Variants in GFI1B observed in about 807,000 individuals in gnomAD.
GFI1B encodes zinc finger protein Gfi-1b.
GFI1B carries 20 observed loss-of-function variants against 35.3 expected under a neutral mutation model. The observed-to-expected ratio is 0.57, with a 90% CI of 0.40 to 0.82. The LOEUF is 0.82. Among genes scored for constraint, GFI1B ranks in the 40% least tolerant of loss-of-function variants. The pLI is 0.00. For missense variants in GFI1B, 430 were observed against 446.3 expected (o/e 0.96, Z 0.33); for synonymous variants, 178 against 177.6 (o/e 1.00, Z -0.02).
intron 1 of GFI1B, among the ~76,000 whole-genome samples, chr9:132,965,498 A>G (rs1352365638): frequency 6.6e-6 from 1 of 152,258 alleles, no homozygotes; most frequent in African/African-American, 2.4e-5. Context: ...CGTATTTGGG[A>G]AAAAGGTCTG....
At chr9:132,981,309 G>A (rs1339592963) in intron 1 of GFI1B, among the ~76,000 whole-genome samples, 3 of 152,112 alleles carry the variant, frequency 2.0e-5, no homozygotes, top group African/African-American at 7.2e-5. Flanking sequence ...ATCTCTTTGA[G>A]TCTCCCCTTC....
chr9:132,965,663 C>T (rs982772894), intron 1 of GFI1B, among the ~76,000 whole-genome samples: 3 of 152,132 alleles, frequency 2.0e-5, no homozygotes, highest in Non-Finnish European at 2.9e-5. Context: ...ATTGGAGTGG[C>T]GCAGCTCCAG....
At chr9:132,979,450 G>C (rs1037790172) in intron 1 of GFI1B, among the ~76,000 whole-genome samples, 1 of 151,886 alleles carries the variant, frequency 6.6e-6, no homozygotes, top group African/African-American at 2.4e-5. Flanking sequence ...TGTTGGCCAG[G>C]CTGGTCTCGA....
At chr9:132,987,526 C>A in intron 3 of GFI1B, 107 bp downstream of exon 3, 1 of 1,297,502 alleles carries the variant, frequency 7.7e-7, no homozygotes, top group Non-Finnish European at 1.1e-6. Flanking sequence ...AGGAAGGACC[C>A]ACGAAGTCAC....
intron 1 of GFI1B, among the ~76,000 whole-genome samples, chr9:132,949,056 C>T (rs1001932455): frequency 6.6e-5 from 10 of 152,324 alleles, no homozygotes; most frequent in African/African-American, 2.4e-4. Flanking sequence ...ACTCACTTTT[C>T]ACACCCAGAG....
At chr9:132,988,749 C>T (rs1423850820) in intron 4 of GFI1B, among the ~76,000 whole-genome samples, 1 of 152,142 alleles carries the variant, frequency 6.6e-6, no homozygotes, top group African/African-American at 2.4e-5. Flanking sequence ...ATATCAGAAC[C>T]AGCATTCAAA....
chr9:132,968,321 T>C (rs1848482109), intron 1 of GFI1B, among the ~76,000 whole-genome samples: 2 of 150,822 alleles, frequency 1.3e-5, no homozygotes, highest in Non-Finnish European at 3.0e-5. Flanking sequence ...GAGGCCTCAC[T>C]ACATTGCCTG....
At chr9:132,984,423 C>A (rs952188442) in intron 1 of GFI1B, among the ~76,000 whole-genome samples, 8 of 152,132 alleles carry the variant, frequency 5.3e-5, no homozygotes, top group African/African-American at 1.9e-4. Context: ...TTCAGAGAGC[C>A]GAGAATCTGA....
At chr9:132,946,181 C>T (rs980292592) in intron 1 of GFI1B, among the ~76,000 whole-genome samples, 3 of 152,132 alleles carry the variant, frequency 2.0e-5, no homozygotes, top group Admixed American at 2.0e-4. Context: ...GAAAATTGAA[C>T]TGATGATTCC....
chr9:132,973,612 G>A (rs1848572323), intron 2 of GFI1B, among the ~76,000 whole-genome samples: 1 of 152,218 alleles, frequency 6.6e-6, no homozygotes, highest in South Asian at 2.1e-4. Context: ...GGGCGTCTGG[G>A]AGGGCTTCCT....
chr9:132,978,320 A>C (rs1431147956), upstream of GFI1B, among the ~76,000 whole-genome samples: 1 of 151,106 alleles, frequency 6.6e-6, no homozygotes. Flanking sequence ...GAGGGAAGGA[A>C]GAAAAAAGGC....
chr9:132,966,306 C>T (rs936593078), intron 1 of GFI1B, among the ~76,000 whole-genome samples: 1 of 151,750 alleles, frequency 6.6e-6, no homozygotes, highest in East Asian at 1.9e-4. Context: ...CTACAGTGAG[C>T]CATGATCACA....
At chr9:132,990,790 C>T (rs959281707) in intron 6 of GFI1B, 82 bp from the exon 7 acceptor site, 1 of 1,294,022 alleles carries the variant, frequency 7.7e-7, no homozygotes, top group African/African-American at 1.5e-5. Context: ...GAAAATGAAC[C>T]CGGGGGCAGG....
rs115161591 is a variant in GFI1B, at chr9:132,970,772, C to T, written c.-700-1953C>T. ...GGGTAAGCTTCAACAAACTTTCATT[C>T]GCTCCTCCTTCATCTCTGCAGCCTC... On this transcript the variant is annotated intron_variant, in intron 1 of 10. Transcript: ENST00000339463. Among the ~76,000 whole-genome samples, 658 of 152,278 alleles carry T rather than the reference C, an allele frequency of 4.3e-3. 4 individuals are homozygous for T. Among genetic ancestry groups the T allele is most frequent in the African/African-American group, 0.015 (623 of 41,558 alleles).
At chr9:132,958,623 C>G (rs928929857) in intron 1 of GFI1B, among the ~76,000 whole-genome samples, 1 of 152,192 alleles carries the variant, frequency 6.6e-6, no homozygotes, top group African/African-American at 2.4e-5. Flanking sequence ...CACCAGACCC[C>G]ACCTCCAATA....
At chr9:132,976,797 A>T (rs542549365), upstream of GFI1B, among the ~76,000 whole-genome samples, 1 of 152,146 alleles carries the variant, frequency 6.6e-6, no homozygotes, top group Non-Finnish European at 1.5e-5. Context: ...TAAAAAAATT[A>T]ACCAGGCATG....
chr9:132,955,654 A>G (rs1156495675), intron 1 of GFI1B, among the ~76,000 whole-genome samples: 2 of 152,134 alleles, frequency 1.3e-5, no homozygotes, highest in Admixed American at 1.3e-4. Flanking sequence ...CTGAGGAGAA[A>G]TTTATGGTAA....
intron 1 of GFI1B, among the ~76,000 whole-genome samples, chr9:132,959,516 G>A (rs1314505879): frequency 6.6e-6 from 1 of 152,234 alleles, no homozygotes; most frequent in African/African-American, 2.4e-5. Context: ...ATATCTAGCA[G>A]AGTGCCCACG....
At chr9:132,967,049 C>T (rs550125916) in intron 1 of GFI1B, among the ~76,000 whole-genome samples, 34 of 152,268 alleles carry the variant, frequency 2.2e-4, no homozygotes, top group Admixed American at 1.3e-3. Flanking sequence ...ACAGGTGATT[C>T]GGTCATGCCC....
Sources: gnomAD v4.1 joint callset for allele counts (sites outside exome capture counted in the v4.1 genomes callset) on GRCh38, gnomAD v4.1.1 for gene constraint, MANE v1.5 for transcripts, NCBI Gene and HGNC (gene_info 2026-07-23, HGNC 2026-07-21) for gene names.